The following LYPD6 variants were observed in gnomAD, a reference collection of about 807,000 sequenced individuals.
The protein encoded by LYPD6 is ly6/PLAUR domain-containing protein 6.
A neutral mutation model predicts 22.7 loss-of-function variants in LYPD6; 15 were observed. That is an observed-to-expected ratio of 0.66 (90% CI 0.44 to 1.02). The LOEUF (loss-of-function observed/expected upper bound fraction) is 1.02. Ranked by LOEUF, LYPD6 falls within the 50% of genes least tolerant of loss-of-function variation. LYPD6 has a pLI of 0.00. For missense variants in LYPD6, 189 were observed against 208.4 expected (o/e 0.91, Z 0.57); for synonymous variants, 72 against 77.5 (o/e 0.93, Z 0.37).
chr2:149,356,420 AC>A (rs1681449916), intron 1 of LYPD6, among the ~76,000 whole-genome samples: 1 of 152,174 alleles, frequency 6.6e-6, no homozygotes, highest in Admixed American at 6.5e-5. Flanking sequence ...CTTCAAACAC[AC>A]GAGATGTTTT....
chr2:149,386,541 T>C (rs1465253411), intron 1 of LYPD6, among the ~76,000 whole-genome samples: 1 of 152,168 alleles, frequency 6.6e-6, no homozygotes, highest in Non-Finnish European at 1.5e-5. Context: ...ATGGAAACCA[T>C]GAGAGCCGTG....
chr2:149,347,150 G>A (rs1385552635), intron 1 of LYPD6, among the ~76,000 whole-genome samples: 1 of 151,692 alleles, frequency 6.6e-6, no homozygotes, highest in Non-Finnish European at 1.5e-5. Flanking sequence ...GAGAAGAGAG[G>A]GCGAGAGAGA....
chr2:149,458,863 C>T (rs1579247), intron 3 of LYPD6, among the ~76,000 whole-genome samples: 91,052 of 151,974 alleles, frequency 0.6, 28,551 homozygotes, highest in East Asian at 0.85. Flanking sequence ...ATTTGGAAAA[C>T]AGAGCAATAA....
At position 149,406,923 on chromosome 2, in the gene LYPD6, G is replaced by A. The variant is rs1429145978; in HGVS notation, c.-71-30715G>A. On this transcript the variant is annotated intron_variant, in intron 1 of 4. Transcript: ENST00000334166. ...TCCTTCAGGAGCTCTTTTAGGGCAGGCCTGGTGGTGACAAAATCTCTCAGC... is the reference window on the plus strand; with the variant it reads ...TCCTTCAGGAGCTCTTTTAGGGCAGACCTGGTGGTGACAAAATCTCTCAGC... Among the ~76,000 whole-genome samples, 8 of 152,174 alleles carry A rather than the reference G, an allele frequency of 5.3e-5. No individual in the cohort carries two copies. The South Asian group carries it at 6.2e-4, about 12-fold the overall frequency.
intron 1 of LYPD6, among the ~76,000 whole-genome samples, chr2:149,393,750 G>C (rs757485784): frequency 6.6e-6 from 1 of 152,206 alleles, no homozygotes. Context: ...GCTCTGTACC[G>C]TGAGAGATGA....
At chr2:149,410,771 C>CTCT (rs1245037057) in intron 1 of LYPD6, among the ~76,000 whole-genome samples, 4 of 152,292 alleles carry the variant, frequency 2.6e-5, no homozygotes, top group African/African-American at 9.6e-5. Context: ...GTATTATGAG[C>CTCT]TCTTGTCTAA....
At chr2:149,384,956 A>G (rs965124306) in intron 1 of LYPD6, among the ~76,000 whole-genome samples, 1 of 133,310 alleles carries the variant, frequency 7.5e-6, no homozygotes, top group African/African-American at 2.9e-5. Context: ...TTCAATTCCC[A>G]CCTGTGAGTG....
chr2:149,483,281 CAGG>C, the LYPD6 span, among the ~76,000 whole-genome samples: 1 of 152,200 alleles, frequency 6.6e-6, no homozygotes, highest in Non-Finnish European at 1.5e-5. Context: ...TGCTCAACTC[CAGG>C]AGTTGTGGGC....
chr2:149,482,075 T>A, the LYPD6 span, among the ~76,000 whole-genome samples: 2 of 152,152 alleles, frequency 1.3e-5, no homozygotes, highest in African/African-American at 4.8e-5. Context: ...ATTGTACTGA[T>A]CTTGGATGAG....
chr2:149,353,781 AT>A (rs961737563), intron 1 of LYPD6, among the ~76,000 whole-genome samples: 2 of 151,806 alleles, frequency 1.3e-5, no homozygotes, highest in African/African-American at 4.8e-5. Context: ...AAAAAAAAAA[AT>A]TCCACCTTGA....
Position 149,437,642 on chromosome 2 carries a change from A to G in LYPD6, c.-67A>G. On this transcript the variant is annotated 5_prime_UTR_variant, in exon 2 of 5. Coordinates refer to ENST00000334166, the MANE Select transcript of LYPD6 (RefSeq NM_194317.5). ...GATTCTTTCTTCATTTTTCAGGTGC[A>G]AGTTCTCTCCTGTTGCCCTGAGTGC... The G allele has an allele frequency of 6.3e-7, 1 of 1,592,150 alleles. No homozygotes were observed. The highest frequency in any genetic ancestry group is 8.6e-7 in the Non-Finnish European group (1 of 1,167,054).
At chr2:149,406,484 G>A (rs536569242) in intron 1 of LYPD6, among the ~76,000 whole-genome samples, 40 of 152,208 alleles carry the variant, frequency 2.6e-4, no homozygotes, top group African/African-American at 8.9e-4. Flanking sequence ...TTACCATTAT[G>A]TAATGGCCTC....
chr2:149,365,867 A>G (rs1481995824), intron 1 of LYPD6, among the ~76,000 whole-genome samples: 1 of 152,184 alleles, frequency 6.6e-6, no homozygotes, highest in Admixed American at 6.6e-5. Flanking sequence ...TAATCTTGGG[A>G]GTTCAAAAAT....
chr2:149,444,342 A>G (rs529252578), intron 2 of LYPD6, among the ~76,000 whole-genome samples: 10 of 152,314 alleles, frequency 6.6e-5, no homozygotes, highest in South Asian at 6.2e-4. Context: ...TTGCCTTGAT[A>G]TTGATGGCTG....
chr2:149,380,593 G>A (rs1212264045), intron 1 of LYPD6, among the ~76,000 whole-genome samples: 1 of 152,184 alleles, frequency 6.6e-6, no homozygotes. Flanking sequence ...GCAGATGTTT[G>A]GAGACTGACC....
At chr2:149,484,910 C>T in the LYPD6 span, among the ~76,000 whole-genome samples, 11,020 of 152,224 alleles carry the variant, frequency 0.072, 801 homozygotes, top group African/African-American at 0.19. Context: ...CCAGACCACA[C>T]CAAACCAAAG....
intron 3 of LYPD6, among the ~76,000 whole-genome samples, chr2:149,468,189 C>A (rs949009382): frequency 1.3e-5 from 1 of 78,314 alleles, no homozygotes; most frequent in Non-Finnish European, 3.0e-5. Context: ...ACACACACAC[C>A]AGCCACTGCT....
At chr2:149,449,702 C>T (rs530315436) in intron 3 of LYPD6, among the ~76,000 whole-genome samples, 12 of 152,052 alleles carry the variant, frequency 7.9e-5, no homozygotes, top group African/African-American at 2.7e-4. Flanking sequence ...AAATAAATAC[C>T]CATTATATTC....
intron 1 of LYPD6, among the ~76,000 whole-genome samples, chr2:149,393,098 T>C (rs941327081): frequency 4.6e-5 from 7 of 152,226 alleles, no homozygotes; most frequent in African/African-American, 1.2e-4. Context: ...TCTTTTGATA[T>C]ACTCACCTGA....
Sources: gnomAD v4.1 joint callset for allele counts (sites outside exome capture counted in the v4.1 genomes callset) on GRCh38, gnomAD v4.1.1 for gene constraint, MANE v1.5 for transcripts, NCBI Gene and HGNC (gene_info 2026-07-23, HGNC 2026-07-21) for gene names.